Variants in ZNF704 observed in about 807,000 individuals in gnomAD.
ZNF704 encodes the protein glucocorticoid induced gene 1.
ZNF704 carries 10 observed loss-of-function variants against 44.7 expected under a neutral mutation model. That is an observed-to-expected ratio of 0.22 (90% CI 0.14 to 0.38). ZNF704 has a LOEUF of 0.38. Among genes scored for constraint, ZNF704 ranks in the 10% least tolerant of loss-of-function variants. The pLI is 1.00. For missense variants in ZNF704, 390 were observed against 545.5 expected (o/e 0.71, Z 2.84); for synonymous variants, 211 against 207.6 (o/e 1.02, Z -0.14).
intron 7 of ZNF704, among the ~76,000 whole-genome samples, chr8:80,658,347 T>C (rs778535182): frequency 3.0e-4 from 45 of 151,146 alleles, no homozygotes; most frequent in South Asian, 6.3e-4. Flanking sequence ...GTCTCAAAAA[T>C]GTATCAAGAG....
At chr8:80,692,789 A>G (rs1429870031) in intron 3 of ZNF704, among the ~76,000 whole-genome samples, 2 of 152,134 alleles carry the variant, frequency 1.3e-5, no homozygotes, top group Non-Finnish European at 2.9e-5. Context: ...AGTTGAATGG[A>G]GGGATGGGTG....
chr8:80,797,079 G>C (rs1458793462), intron 2 of ZNF704, among the ~76,000 whole-genome samples: 1 of 149,338 alleles, frequency 6.7e-6, no homozygotes, highest in Non-Finnish European at 1.5e-5. Flanking sequence ...AGCCCAAGAG[G>C]GTAAACATTA....
At chr8:80,876,596 A>G (rs1245759296), upstream of ZNF704, among the ~76,000 whole-genome samples, 1 of 152,106 alleles carries the variant, frequency 6.6e-6, no homozygotes, top group Non-Finnish European at 1.5e-5. Context: ...CCGAATCCTG[A>G]CTCTGGAACT....
chr8:80,735,438 G>C (rs1226687670), intron 2 of ZNF704, among the ~76,000 whole-genome samples: 2 of 152,134 alleles, frequency 1.3e-5, no homozygotes, highest in African/African-American at 4.8e-5. Flanking sequence ...CTATACACAG[G>C]TTACAAACCT....
intron 1 of ZNF704, among the ~76,000 whole-genome samples, chr8:80,860,844 G>A (rs1354538569): frequency 6.6e-6 from 1 of 152,196 alleles, no homozygotes; most frequent in Non-Finnish European, 1.5e-5. Flanking sequence ...CCCAATGATT[G>A]AAGTCCATTC....
In ZNF704 at chr8:80,640,406, G is replaced by A. The variant is rs1011548756; in HGVS notation, c.*960C>T. ...ACCTCTTCTGAAATCAGTCAGTGGT[G>A]GAGTCTGGAGAGAAGGAAAATGACC... On this transcript the variant is annotated 3_prime_UTR_variant, in exon 9 of 9. Coordinates refer to ENST00000327835, the MANE Select transcript of ZNF704 (RefSeq NM_001033723.3). 4.6e-5 allele frequency: 7 copies of A among 152,576 alleles called. No individual in the cohort carries two copies. Among genetic ancestry groups the A allele is most frequent in the African/African-American group, 1.7e-4 (7 of 41,416 alleles). 9.5% of individuals were successfully genotyped at this position (152,576 alleles called of 1,614,324 possible). A position where few individuals can be genotyped will look rare whatever the true frequency, so the allele number is the denominator to read the frequency against.
chr8:80,814,783 G>A (rs1808148667), intron 2 of ZNF704, among the ~76,000 whole-genome samples: 1 of 152,074 alleles, frequency 6.6e-6, no homozygotes, highest in African/African-American at 2.4e-5. Context: ...ACTGGTTACA[G>A]AGTTTGTGAC....
At chr8:80,690,225 A>C (rs181758676) in intron 3 of ZNF704, among the ~76,000 whole-genome samples, 1 of 152,228 alleles carries the variant, frequency 6.6e-6, no homozygotes, top group Admixed American at 6.5e-5. Flanking sequence ...TGTGCTAACG[A>C]AAGTTTGCAT....
intron 2 of ZNF704, among the ~76,000 whole-genome samples, chr8:80,812,752 A>G (rs1023533646): frequency 6.6e-6 from 1 of 152,158 alleles, no homozygotes; most frequent in African/African-American, 2.4e-5. Context: ...TAGCTATTAT[A>G]CCATAAATTT....
intron 2 of ZNF704, among the ~76,000 whole-genome samples, chr8:80,798,063 TTTTAA>T (rs1314898066): frequency 1.3e-5 from 2 of 152,136 alleles, no homozygotes; most frequent in Non-Finnish European, 2.9e-5. Context: ...CTTTTTTTCA[TTTTAA>T]TTTTTAAAAT....
chr8:80,647,912 G>A (rs1817858340), intron 7 of ZNF704, among the ~76,000 whole-genome samples: 1 of 152,178 alleles, frequency 6.6e-6, no homozygotes, highest in East Asian at 1.9e-4. Context: ...CTATAACAGA[G>A]TACCTGAGAC....
In ZNF704 at chr8:80,687,463, ATG is replaced by A; in HGVS notation, c.326-7_326-6del. ...TCCAGGATCCGCTGAGGCTCTCTGC[ATG>A]CACACAAACACAGTCAGTGCCAGGA... On this transcript the variant is annotated splice_polypyrimidine_tract_variant and splice_region_variant and intron_variant, in intron 3 of 8. Coordinates refer to ENST00000327835, the MANE Select transcript of ZNF704 (RefSeq NM_001033723.3). The A allele has an allele frequency of 6.5e-7, 1 of 1,537,040 alleles. No individual in the cohort carries two copies. The highest frequency in any genetic ancestry group is 8.8e-7 in the Non-Finnish European group (1 of 1,142,394).
Position 80,664,772 on chromosome 8 carries a change from G to T in ZNF704, c.927+43C>A, listed in dbSNP as rs748357925. On this transcript the variant is annotated intron_variant, in intron 6 of 8. Coordinates refer to ENST00000327835, the MANE Select transcript of ZNF704 (RefSeq NM_001033723.3). The stretch of plus-strand genomic sequence containing the variant: ...ATAGGCCAGATGGCCCCTGGTTTTG[G>T]TCAAGGTCAAAGTGATTGCTCTCAC... 4 of 1,608,510 alleles carry T rather than the reference G, an allele frequency of 2.5e-6. No homozygotes were observed. The South Asian group carries it at 4.4e-5, about 18-fold the overall frequency.
intron 2 of ZNF704, among the ~76,000 whole-genome samples, chr8:80,705,623 C>T (rs913369999): frequency 5.3e-5 from 8 of 151,432 alleles, no homozygotes; most frequent in African/African-American, 1.9e-4. Flanking sequence ...TGTCAATCTC[C>T]GTGTCTGTGT....
intron 2 of ZNF704, among the ~76,000 whole-genome samples, chr8:80,703,570 G>A (rs1818846417): frequency 6.6e-6 from 1 of 152,158 alleles, no homozygotes; most frequent in South Asian, 2.1e-4. Flanking sequence ...CACCTGCAGG[G>A]CTCAAATGAT....
intron 2 of ZNF704, among the ~76,000 whole-genome samples, chr8:80,719,909 A>G (rs1211170096): frequency 6.6e-6 from 1 of 152,194 alleles, no homozygotes; most frequent in African/African-American, 2.4e-5. Flanking sequence ...TTGAAATGGA[A>G]AGTACCGAGA....
At position 80,652,197 on chromosome 8, in the gene ZNF704, T is replaced by G. The variant is rs553717676; in HGVS notation, c.1032+7388A>C. ...GTAGAGGGAAATTTATAGCACTAAA[T>G]GCCCACAAGAGAAAGCAGGAAAGAT... On this transcript the variant is annotated intron_variant, in intron 7 of 8. Coordinates refer to ENST00000327835, the MANE Select transcript of ZNF704 (RefSeq NM_001033723.3). 5.2e-3 allele frequency among the ~76,000 whole-genome samples: 789 copies of G among 152,188 alleles called. 6 individuals are homozygous for G. Among genetic ancestry groups the G allele is most frequent in the African/African-American group, 0.018 (744 of 41,520 alleles).
chr8:80,781,815 G>A (rs180982409), intron 2 of ZNF704, among the ~76,000 whole-genome samples: 1 of 152,288 alleles, frequency 6.6e-6, no homozygotes, highest in African/African-American at 2.4e-5. Flanking sequence ...GCAGTGATTG[G>A]CAAACACAGC....
At chr8:80,868,464 T>C (rs1399620530) in intron 1 of ZNF704, among the ~76,000 whole-genome samples, 2 of 152,216 alleles carry the variant, frequency 1.3e-5, no homozygotes, top group Non-Finnish European at 2.9e-5. Context: ...CCAATACATA[T>C]AGAAAGATGC....
Sources: gnomAD v4.1 joint callset for allele counts (sites outside exome capture counted in the v4.1 genomes callset) on GRCh38, gnomAD v4.1.1 for gene constraint, MANE v1.5 for transcripts, NCBI Gene and HGNC (gene_info 2026-07-23, HGNC 2026-07-21) for gene names.